Variants in GRIK2 observed in about 807,000 individuals in gnomAD.
GRIK2 encodes the protein glutamate ionotropic receptor kainate type subunit 2.
Under a neutral mutation model 100.3 loss-of-function variants are expected in GRIK2, and 32 were observed. The observed-to-expected ratio is 0.32, with a 90% CI of 0.24 to 0.43. GRIK2 has a LOEUF of 0.43. Among genes scored for constraint, GRIK2 ranks in the 20% least tolerant of loss-of-function variants. The pLI is 1.00. For synonymous variants in GRIK2, 417 were observed against 389.4 expected (o/e 1.07, Z -0.83); for missense variants, 843 against 1,114.9 (o/e 0.76, Z 3.47).
At chr6:101,615,648 CATT>C (rs1447752653) in intron 2 of GRIK2, among the ~76,000 whole-genome samples, 1 of 151,644 alleles carries the variant, frequency 6.6e-6, no homozygotes, top group African/African-American at 2.4e-5. Context: ...ACAATCCTGA[CATT>C]ATAATAAAAA....
intron 7 of GRIK2, among the ~76,000 whole-genome samples, chr6:101,705,638 T>C (rs2210967): frequency 0.1 from 15,393 of 151,848 alleles, 1,073 homozygotes; most frequent in East Asian, 0.3. Flanking sequence ...TGCAGTTTGG[T>C]CAAATGCATC....
At chr6:101,524,834 C>T (rs187463157) in intron 2 of GRIK2, among the ~76,000 whole-genome samples, 27 of 151,420 alleles carry the variant, frequency 1.8e-4, no homozygotes, top group African/African-American at 5.8e-4. Context: ...TGGGTTCAAA[C>T]GATTCTCCAA....
chr6:101,436,247 A>G (rs1769705995), intron 2 of GRIK2, among the ~76,000 whole-genome samples: 1 of 152,124 alleles, frequency 6.6e-6, no homozygotes. Context: ...ATAGGCAGTA[A>G]GTTCAAGTTA....
At chr6:101,988,485 G>A (rs545102243) in intron 14 of GRIK2, among the ~76,000 whole-genome samples, 31 of 151,784 alleles carry the variant, frequency 2.0e-4, no homozygotes, top group African/African-American at 6.0e-4. Flanking sequence ...ATTAGCTCTG[G>A]GGCTGCACTG....
At chr6:101,753,821 A>C (rs969020515) in intron 7 of GRIK2, among the ~76,000 whole-genome samples, 1 of 152,142 alleles carries the variant, frequency 6.6e-6, no homozygotes, top group Middle Eastern at 3.4e-3. Flanking sequence ...GAATATATTA[A>C]AATAATAGTA....
chr6:101,952,269 T>C (rs62421159), intron 14 of GRIK2, among the ~76,000 whole-genome samples: 38,782 of 152,176 alleles, frequency 0.25, 6,347 homozygotes, highest in Non-Finnish European at 0.36. Flanking sequence ...TGTTCCTTTT[T>C]ACTGCTGAGT....
At chr6:101,996,397 T>C (rs1794651584) in intron 14 of GRIK2, among the ~76,000 whole-genome samples, 1 of 152,060 alleles carries the variant, frequency 6.6e-6, no homozygotes, top group African/African-American at 2.4e-5. Context: ...TATGCTTCTT[T>C]CTTTCCTATT....
At chr6:101,717,487 A>G (rs1412662979) in intron 7 of GRIK2, among the ~76,000 whole-genome samples, 1 of 151,780 alleles carries the variant, frequency 6.6e-6, no homozygotes, top group Non-Finnish European at 1.5e-5. Flanking sequence ...CTTAATTGGG[A>G]AGAAATTAAT....
At chr6:101,969,178 T>C (rs192600071) in intron 14 of GRIK2, among the ~76,000 whole-genome samples, 171 of 150,888 alleles carry the variant, frequency 1.1e-3, no homozygotes, top group Admixed American at 2.9e-3. Flanking sequence ...AAAAGAGGAG[T>C]TGGGTTGTGT....
chr6:101,647,090 T>C (rs1004355170), intron 4 of GRIK2, among the ~76,000 whole-genome samples: 3 of 152,026 alleles, frequency 2.0e-5, no homozygotes, highest in African/African-American at 7.2e-5. Flanking sequence ...AAAGATGTTA[T>C]GAAACTTTTC....
At chr6:101,553,490 T>G (rs2128293157) in intron 2 of GRIK2, among the ~76,000 whole-genome samples, 1 of 152,296 alleles carries the variant, frequency 6.6e-6, no homozygotes, top group Middle Eastern at 3.4e-3. Flanking sequence ...TCAGTAGATA[T>G]CTAATGAATG....
chr6:101,395,061 C>T (rs1774952158), intron 1 of GRIK2, among the ~76,000 whole-genome samples: 1 of 152,180 alleles, frequency 6.6e-6, no homozygotes, highest in Non-Finnish European at 1.5e-5. Context: ...ATCATCAATG[C>T]AGCAGAATGT....
At chr6:101,994,487 C>G (rs1794546999) in intron 14 of GRIK2, among the ~76,000 whole-genome samples, 2 of 151,656 alleles carry the variant, frequency 1.3e-5, no homozygotes, top group Non-Finnish European at 2.9e-5. Flanking sequence ...ATTTTAAATA[C>G]TTTTTTTATA....
chr6:101,827,178 A>G (rs1782388132), intron 10 of GRIK2, among the ~76,000 whole-genome samples: 1 of 152,010 alleles, frequency 6.6e-6, no homozygotes, highest in South Asian at 2.1e-4. Context: ...AGGTAAATAC[A>G]GTTTGCAGAA....
chr6:101,450,792 AAGGT>A lies in GRIK2; in HGVS notation c.115+51404_115+51407del, dbSNP rs1166180550. 2.6e-5 allele frequency among the ~76,000 whole-genome samples: 4 copies of A among 151,990 alleles called. No individual in the cohort carries two copies. The East Asian group carries it at 7.7e-4, about 29-fold the overall frequency. ...TAGAGAAGTAAAGAAAAGAAGGAAA[AAGGT>A]AGGAGAGAGGAAGAAATGGTAGGGG... On this transcript the variant is annotated intron_variant, in intron 2 of 16. Transcript: ENST00000369134.
intron 6 of GRIK2, among the ~76,000 whole-genome samples, chr6:101,685,142 C>T (rs566930955): frequency 6.6e-6 from 1 of 152,270 alleles, no homozygotes; most frequent in Admixed American, 6.5e-5. Flanking sequence ...ACTTCTTTTG[C>T]ATTTATGATT....
chr6:101,459,054 T>A (rs952477777), intron 2 of GRIK2, among the ~76,000 whole-genome samples: 2 of 152,008 alleles, frequency 1.3e-5, no homozygotes, highest in Non-Finnish European at 2.9e-5. Context: ...AATTCTCTGC[T>A]GCTTTCTGCT....
intron 14 of GRIK2, among the ~76,000 whole-genome samples, chr6:102,005,186 C>T (rs1400698725): frequency 6.6e-6 from 1 of 151,136 alleles, no homozygotes; most frequent in South Asian, 2.1e-4. Flanking sequence ...ACAATTCCCT[C>T]TAAGATATGT....
chr6:101,402,891 A>G (rs1775398298), intron 2 of GRIK2, among the ~76,000 whole-genome samples: 2 of 152,196 alleles, frequency 1.3e-5, no homozygotes, highest in African/African-American at 4.8e-5. Flanking sequence ...GATAGGGTGA[A>G]GGCGGGACTC....
Sources: allele counts gnomAD v4.1 joint callset (sites outside exome capture counted in the v4.1 genomes callset), GRCh38; gene constraint gnomAD v4.1.1; transcripts MANE v1.5; gene names NCBI Gene and HGNC (gene_info 2026-07-23, HGNC 2026-07-21).